CCDC138: variants seen among roughly 807,000 people sequenced by gnomAD.
The protein encoded by CCDC138 is coiled-coil domain-containing protein 138.
CCDC138 carries 66 observed loss-of-function variants against 82.3 expected under a neutral mutation model. The observed-to-expected ratio is 0.80, with a 90% CI of 0.66 to 0.98. The LOEUF is 0.98. Among genes scored for constraint, CCDC138 ranks in the 50% least tolerant of loss-of-function variants. The probability of loss-of-function intolerance (pLI) is 0.00; values close to 1 mark genes in which losing one functional copy is unlikely to be tolerated. For missense variants in CCDC138, 816 were observed against 758.9 expected (o/e 1.08, Z -0.88); for synonymous variants, 297 against 265.4 (o/e 1.12, Z -1.16).
chr2:108,817,749 G>T (rs917237354), intron 10 of CCDC138, among the ~76,000 whole-genome samples: 60 of 152,276 alleles, frequency 3.9e-4, no homozygotes, highest in African/African-American at 1.4e-3. Flanking sequence ...ACACAGCTCT[G>T]TATATACATT....
At chr2:108,832,614 C>T (rs148210293) in intron 10 of CCDC138, among the ~76,000 whole-genome samples, 199 of 152,230 alleles carry the variant, frequency 1.3e-3, no homozygotes, top group Non-Finnish European at 2.3e-3. Context: ...CCAAGTGATG[C>T]TCTTTCTGTA....
intron 14 of CCDC138, among the ~76,000 whole-genome samples, chr2:108,875,750 T>C (rs1695937548): frequency 6.6e-6 from 1 of 152,158 alleles, no homozygotes; most frequent in South Asian, 2.1e-4. Flanking sequence ...TCCTAGCTAC[T>C]TGGGAGGCTG....
At chr2:108,877,713 A>G (rs899393144), downstream of CCDC138, among the ~76,000 whole-genome samples, 5 of 152,216 alleles carry the variant, frequency 3.3e-5, no homozygotes, top group African/African-American at 4.8e-5. Flanking sequence ...CGGAAGCAAT[A>G]TTCAGAAATA....
chr2:108,835,489 G>A (rs1045461938), intron 10 of CCDC138, among the ~76,000 whole-genome samples: 11 of 152,112 alleles, frequency 7.2e-5, no homozygotes, highest in Admixed American at 2.6e-4. Flanking sequence ...TGATAACAGC[G>A]ATATGATAAC....
At chr2:108,841,674 G>GA (rs1689509721) in intron 11 of CCDC138, among the ~76,000 whole-genome samples, 1 of 151,958 alleles carries the variant, frequency 6.6e-6, no homozygotes, top group Non-Finnish European at 1.5e-5. Flanking sequence ...GCTGCATTTA[G>GA]AAAAAATAAA....
chr2:108,855,945 G>A (rs1343784324), intron 12 of CCDC138, among the ~76,000 whole-genome samples: 3 of 152,022 alleles, frequency 2.0e-5, no homozygotes, highest in Admixed American at 6.5e-5. Flanking sequence ...TAGCATGAAC[G>A]GTTTTTTTTC....
chr2:108,873,404 T>G lies in CCDC138; in HGVS notation c.1694-47T>G, dbSNP rs1281324121. 2.1e-6 allele frequency: 3 copies of G among 1,424,872 alleles called. No homozygotes were observed. In the East Asian group the frequency reaches 7.6e-5, roughly 36 times the overall value. The allele number at this position is 1,424,872 out of a possible 1,614,324, so 88.3% of individuals were successfully genotyped here. The stretch of plus-strand genomic sequence containing the variant: ...TGATTTTAATTTGTTTTTAATTTCC[T>G]TTTTCGCTACTCCCTAATAGTAAAG... On this transcript the variant is annotated intron_variant, in intron 13 of 14. Transcript: ENST00000295124.
At chr2:108,798,384 T>C in intron 5 of CCDC138, 44 bp from the exon 6 acceptor site, 1 of 1,577,082 alleles carries the variant, frequency 6.3e-7, no homozygotes, top group Non-Finnish European at 8.6e-7. Context: ...ATTTGCAGAA[T>C]TTGTGACTTT....
intron 13 of CCDC138, among the ~76,000 whole-genome samples, chr2:108,869,721 G>T (rs2105123912): frequency 6.6e-6 from 1 of 152,224 alleles, no homozygotes; most frequent in Non-Finnish European, 1.5e-5. Flanking sequence ...CACAGGCCCA[G>T]ACAGGATGCA....
chr2:108,796,808 C>T (rs1680989953), intron 5 of CCDC138, among the ~76,000 whole-genome samples: 1 of 151,790 alleles, frequency 6.6e-6, no homozygotes, highest in Non-Finnish European at 1.5e-5. Context: ...ATGGTGGTTA[C>T]CAGAGGCTGG....
chr2:108,812,628 T>C lies in CCDC138; in HGVS notation c.856-3T>C, dbSNP rs752860131. 3.1e-6 allele frequency: 5 copies of C among 1,608,436 alleles called. No homozygotes were observed. The South Asian group carries it at 3.3e-5, about 11-fold the overall frequency. ...GAAATATCTAACTTTTTCTACCCTT[T>C]AGTTAAATGAAGCAAGTGAAGAAAA... is the stretch of plus-strand genomic sequence containing the variant. On this transcript the variant is annotated splice_polypyrimidine_tract_variant and splice_region_variant and intron_variant, in intron 7 of 14. Coordinates refer to ENST00000295124, the MANE Select transcript of CCDC138 (RefSeq NM_144978.3).
intron 10 of CCDC138, among the ~76,000 whole-genome samples, chr2:108,835,622 G>A (rs1163273866): frequency 1.3e-5 from 2 of 152,016 alleles, no homozygotes; most frequent in African/African-American, 2.4e-5. Flanking sequence ...TCTTTTTCTG[G>A]TCCACCCATA....
At chr2:108,850,332 C>G (rs766548052) in intron 12 of CCDC138, among the ~76,000 whole-genome samples, 1 of 152,126 alleles carries the variant, frequency 6.6e-6, no homozygotes, top group Non-Finnish European at 1.5e-5. Context: ...GGATACTACA[C>G]ATAATATTAA....
intron 7 of CCDC138, among the ~76,000 whole-genome samples, chr2:108,808,027 T>A (rs1453951111): frequency 6.6e-6 from 1 of 152,216 alleles, no homozygotes; most frequent in Non-Finnish European, 1.5e-5. Context: ...GAGATCAACT[T>A]GTTTTTTAGC....
chr2:108,867,212 T>C (rs1271351003), intron 13 of CCDC138, among the ~76,000 whole-genome samples: 1 of 152,052 alleles, frequency 6.6e-6, no homozygotes, highest in Non-Finnish European at 1.5e-5. Context: ...AGGGCAGTGA[T>C]AAGAGGAATA....
chr2:108,810,412 A>G (rs376759311), intron 7 of CCDC138, among the ~76,000 whole-genome samples: 99 of 152,290 alleles, frequency 6.5e-4, no homozygotes, highest in African/African-American at 2.3e-3. Flanking sequence ...ATCGTAAGGT[A>G]ATTATATTTC....
chr2:108,846,579 A>G (rs1574199066), intron 11 of CCDC138, 159 bp from the exon 12 acceptor site: 1 of 164,208 alleles, frequency 6.1e-6, no homozygotes, highest in Non-Finnish European at 1.3e-5. Context: ...TGGGAGGCTG[A>G]GGTAGGAGGA....
intron 13 of CCDC138, among the ~76,000 whole-genome samples, chr2:108,870,744 A>G (rs1308489474): frequency 2.6e-5 from 4 of 152,238 alleles, no homozygotes; most frequent in South Asian, 4.1e-4. Flanking sequence ...TATATCTTCT[A>G]TGATTCCTCT....
Position 108,856,910 on chromosome 2 carries a change from T to C in CCDC138, c.1633T>C (p.Ser545Pro). The change falls in exon 13 of 15, where the codon TCC becomes CCC. Residue 545 changes from serine (S) to proline (P), a missense_variant. By Grantham distance (74) the Ser-to-Pro change is moderately conservative. Transcript: ENST00000295124. ...AGTAATATTAAGTCATCTAAGAATA[T>C]CCAGTAAAGGACTCCTGTCTAATGT... is the stretch of plus-strand genomic sequence containing the variant. ...VPVILSHLRI[S>P]SKGLLSNVID... 6.2e-7 allele frequency: 1 copy of C among 1,613,296 alleles called. No homozygotes were observed. Among genetic ancestry groups the C allele is most frequent in the Non-Finnish European group, 8.5e-7 (1 of 1,179,628 alleles).
Sources: allele counts gnomAD v4.1 joint callset (sites outside exome capture counted in the v4.1 genomes callset), GRCh38; gene constraint gnomAD v4.1.1; transcripts MANE v1.5; gene names NCBI Gene and HGNC (gene_info 2026-07-23, HGNC 2026-07-21).